TENM1: variants seen among roughly 807,000 people sequenced by gnomAD.
TENM1 encodes the protein teneurin-1.
TENM1 carries 35 observed loss-of-function variants against 174.8 expected under a neutral mutation model. The observed-to-expected ratio is 0.20, with a 90% CI of 0.15 to 0.27. The LOEUF (loss-of-function observed/expected upper bound fraction) is 0.27. Among genes scored for constraint, TENM1 ranks in the 10% least tolerant of loss-of-function variants. The probability of loss-of-function intolerance (pLI) is 1.00; values close to 1 mark genes in which losing one functional copy is unlikely to be tolerated. For synonymous variants in TENM1, 781 were observed against 798.7 expected (o/e 0.98, Z 0.37); for missense variants, 1,633 against 2,130.1 (o/e 0.77, Z 4.59).
chrX:124,927,881 C>T (rs2058113687), intron 1 of TENM1, among the ~76,000 whole-genome samples: 2 of 111,974 alleles, frequency 1.8e-5, no homozygotes, highest in Admixed American at 9.5e-5. Context: ...TTTAATTAAA[C>T]AGATCTTAAT....
At chrX:125,194,764 C>G in the TENM1 span, among the ~76,000 whole-genome samples, 2 of 111,792 alleles carry the variant, frequency 1.8e-5, no homozygotes, top group African/African-American at 6.5e-5. Flanking sequence ...CTCTCTTGTC[C>G]TAGATTGGTA....
intron 22 of TENM1, 37 bp downstream of exon 25, chrX:124,481,695 G>GTATATATATATATA (rs761348190): frequency 0.038 from 9,960 of 259,182 alleles, 259 homozygotes; most frequent in East Asian, 0.066. Context: ...TGACCCAAGG[G>GTATATATATATATA]TATATATATA....
At chrX:124,717,071 C>CT (rs112227568) in intron 4 of TENM1, among the ~76,000 whole-genome samples, 3,982 of 111,164 alleles carry the variant, frequency 0.036, 183 homozygotes, top group African/African-American at 0.12. Flanking sequence ...GCCTCAGTCT[C>CT]TTTTTCTGCT....
chrX:124,480,977 C>A (rs1295132513), intron 22 of TENM1, among the ~76,000 whole-genome samples: 2 of 111,011 alleles, frequency 1.8e-5, no homozygotes, highest in African/African-American at 6.6e-5. Context: ...GCATATGATC[C>A]AGAAAATCCA....
At chrX:125,170,395 T>A in the TENM1 span, among the ~76,000 whole-genome samples, 1 of 111,730 alleles carries the variant, frequency 9.0e-6, no homozygotes, top group Non-Finnish European at 1.9e-5. Flanking sequence ...CAAGCCTGAA[T>A]GCAATGTAGT....
chrX:124,837,687 A>C (rs1026600894), intron 3 of TENM1, among the ~76,000 whole-genome samples: 2 of 111,692 alleles, frequency 1.8e-5, no homozygotes, highest in East Asian at 2.8e-4. Flanking sequence ...CCACATCTAA[A>C]ATGTCCACTG....
chrX:124,786,792 G>C (rs974466859), intron 3 of TENM1, among the ~76,000 whole-genome samples: 3 of 111,280 alleles, frequency 2.7e-5, no homozygotes, highest in Admixed American at 1.9e-4. Context: ...ATTTCTGAAT[G>C]CTTACCCTTC....
the TENM1 span, among the ~76,000 whole-genome samples, chrX:124,974,901 T>TATATATATATAATATATATATATAA: frequency 1.0e-3 from 99 of 97,597 alleles, 2 homozygotes; most frequent in African/African-American, 3.7e-3. Flanking sequence ...TATATATATA[T>TATATATATATAATATATATATATAA]AAAATAATTT....
At chrX:124,879,496 C>T (rs1054384640) in intron 3 of TENM1, among the ~76,000 whole-genome samples, 13 of 112,136 alleles carry the variant, frequency 1.2e-4, no homozygotes, top group Admixed American at 1.0e-3. Context: ...ATATGTACCA[C>T]ATTTTCTTTA....
intron 3 of TENM1, among the ~76,000 whole-genome samples, chrX:124,855,963 G>A (rs1033535924): frequency 2.7e-5 from 3 of 111,142 alleles, no homozygotes; most frequent in Non-Finnish European, 5.7e-5. Context: ...GTCACCATAG[G>A]AAGAGAATAA....
chrX:124,870,099 A>T (rs1285098813), intron 3 of TENM1, among the ~76,000 whole-genome samples: 1 of 111,742 alleles, frequency 8.9e-6, no homozygotes, highest in Non-Finnish European at 1.9e-5. Context: ...CTAAATATAC[A>T]CACCTACTAT....
At chrX:124,382,982 G>C (rs931374407) in intron 30 of TENM1, among the ~76,000 whole-genome samples, 170 bp from the exon 34 acceptor site, 2 of 62,065 alleles carry the variant, frequency 3.2e-5, no homozygotes, top group Non-Finnish European at 6.5e-5. Flanking sequence ...ATTTGACATA[G>C]TCTCACTCTG....
At chrX:124,576,954 A>C (rs2049180513) in intron 11 of TENM1, among the ~76,000 whole-genome samples, 1 of 111,878 alleles carries the variant, frequency 8.9e-6, no homozygotes, top group South Asian at 3.7e-4. Context: ...CTACAAACCA[A>C]AGATCTTCAA....
intron 19 of TENM1, among the ~76,000 whole-genome samples, chrX:124,499,246 T>C (rs56134353): frequency 0.31 from 33,946 of 110,349 alleles, 4,929 homozygotes; most frequent in African/African-American, 0.56. Context: ...CAACTTTGGG[T>C]ACCACAGTCC....
intron 11 of TENM1, among the ~76,000 whole-genome samples, chrX:124,584,679 A>G (rs770500805): frequency 0.014 from 1,553 of 111,031 alleles, 28 homozygotes; most frequent in African/African-American, 0.048. Flanking sequence ...AAATTCACAC[A>G]TAACAATATT....
intron 15 of TENM1, among the ~76,000 whole-genome samples, chrX:124,532,262 C>T (rs1352677151): frequency 8.9e-6 from 1 of 111,979 alleles, no homozygotes; most frequent in Non-Finnish European, 1.9e-5. Flanking sequence ...CACAGCTGTA[C>T]TAGGCTCAAT....
intron 27 of TENM1, among the ~76,000 whole-genome samples, chrX:124,402,621 T>A (rs1223521672): frequency 8.9e-6 from 1 of 112,032 alleles, no homozygotes; most frequent in African/African-American, 3.2e-5. Context: ...CAGGATGGGT[T>A]GTTCTAGAAA....
At chrX:124,717,264 T>C (rs1024994896) in intron 4 of TENM1, among the ~76,000 whole-genome samples, 1 of 111,609 alleles carries the variant, frequency 9.0e-6, no homozygotes, top group Non-Finnish European at 1.9e-5. Flanking sequence ...ATATTAGATA[T>C]GTAGATCATT....
At chrX:124,541,164 C>T (rs1452803172) in intron 15 of TENM1, among the ~76,000 whole-genome samples, 1 of 112,003 alleles carries the variant, frequency 8.9e-6, no homozygotes, top group African/African-American at 3.2e-5. Flanking sequence ...ATTTAAGGTC[C>T]TAATATCATT....
Sources: allele counts gnomAD v4.1 joint callset (sites outside exome capture counted in the v4.1 genomes callset), GRCh38; gene constraint gnomAD v4.1.1; transcripts MANE v1.5; gene names NCBI Gene and HGNC (gene_info 2026-07-23, HGNC 2026-07-21).